Variants in CASK observed in about 807,000 individuals in gnomAD.
CASK encodes peripheral plasma membrane protein CASK.
A neutral mutation model predicts 82.9 loss-of-function variants in CASK; 4 were observed. That is an observed-to-expected ratio of 0.05 (90% CI 0.02 to 0.11). The LOEUF is 0.11. Among genes scored for constraint, CASK ranks in the 10% least tolerant of loss-of-function variants. The pLI is 1.00. For missense variants in CASK, 358 were observed against 720.9 expected (o/e 0.50, Z 5.76); for synonymous variants, 259 against 253.5 (o/e 1.02, Z -0.20).
intron 12 of CASK, among the ~76,000 whole-genome samples, chrX:41,600,177 C>T (rs1206965024): frequency 1.8e-5 from 2 of 111,821 alleles, no homozygotes; most frequent in East Asian, 2.8e-4. Context: ...GCTTTTGCTA[C>T]CTTTTTTATT....
At chrX:41,795,879 TG>T (rs779809207) in intron 2 of CASK, among the ~76,000 whole-genome samples, 1 of 110,678 alleles carries the variant, frequency 9.0e-6, no homozygotes, top group East Asian at 2.9e-4. Flanking sequence ...CACAATATTA[TG>T]GGAAAGAAAT....
At chrX:41,817,071 G>A (rs781342551) in intron 2 of CASK, among the ~76,000 whole-genome samples, 4 of 111,707 alleles carry the variant, frequency 3.6e-5, no homozygotes, top group African/African-American at 1.3e-4. Context: ...AATACAGGTT[G>A]GTTGATCACT....
At chrX:41,671,221 A>C (rs1217403947) in intron 6 of CASK, among the ~76,000 whole-genome samples, 1 of 112,155 alleles carries the variant, frequency 8.9e-6, no homozygotes, top group Non-Finnish European at 1.9e-5. Flanking sequence ...CAAAGAGAAA[A>C]AAGAGTCTAT....
intron 5 of CASK, among the ~76,000 whole-genome samples, chrX:41,693,126 C>T (rs1274620325): frequency 9.0e-6 from 1 of 111,609 alleles, no homozygotes; most frequent in African/African-American, 3.3e-5. Context: ...GTCATTTCAG[C>T]TACTTGAGCT....
intron 3 of CASK, among the ~76,000 whole-genome samples, chrX:41,780,025 CG>C (rs1016456420): frequency 1.8e-5 from 2 of 111,192 alleles, no homozygotes; most frequent in African/African-American, 3.3e-5. Flanking sequence ...CACATCATGT[CG>C]GATGTGTTTT....
At chrX:41,866,605 T>C (rs2071596231) in intron 1 of CASK, among the ~76,000 whole-genome samples, 1 of 112,079 alleles carries the variant, frequency 8.9e-6, no homozygotes, top group African/African-American at 3.2e-5. Flanking sequence ...GCCTTTTTGT[T>C]CTGGAAATGG....
chrX:41,752,651 C>T (rs903308845), intron 3 of CASK, among the ~76,000 whole-genome samples: 2 of 111,213 alleles, frequency 1.8e-5, no homozygotes, highest in African/African-American at 6.5e-5. Flanking sequence ...AGGATTGGTA[C>T]GTTACATTTC....
At chrX:41,857,748 C>A (rs1272913513) in intron 1 of CASK, among the ~76,000 whole-genome samples, 2 of 111,987 alleles carry the variant, frequency 1.8e-5, no homozygotes, top group South Asian at 3.7e-4. Context: ...ATTAAAAGGA[C>A]CCACCAAGTA....
intron 3 of CASK, among the ~76,000 whole-genome samples, chrX:41,747,311 T>C (rs1263354605): frequency 2.7e-5 from 3 of 111,669 alleles, no homozygotes; most frequent in Non-Finnish European, 5.6e-5. Context: ...CTCCCTAGTA[T>C]GGCAGCACTC....
intron 5 of CASK, among the ~76,000 whole-genome samples, chrX:41,717,462 G>A (rs2068082008): frequency 8.9e-6 from 1 of 112,129 alleles, no homozygotes; most frequent in African/African-American, 3.2e-5. Flanking sequence ...AGGTGGAAAA[G>A]TTTGGGAGTT....
At chrX:41,832,287 G>A (rs1443713830) in intron 2 of CASK, among the ~76,000 whole-genome samples, 1 of 111,915 alleles carries the variant, frequency 8.9e-6, no homozygotes, top group Non-Finnish European at 1.9e-5. Flanking sequence ...AGGGGTCCTT[G>A]GAAGTTATGT....
At chrX:41,779,464 C>G (rs764848017) in intron 3 of CASK, among the ~76,000 whole-genome samples, 5 of 111,721 alleles carry the variant, frequency 4.5e-5, no homozygotes, top group Non-Finnish European at 9.4e-5. Flanking sequence ...TATGCTGAGT[C>G]CTTTGAGTTT....
chrX:41,736,440 C>T (rs1363294214), intron 5 of CASK, among the ~76,000 whole-genome samples: 1 of 112,017 alleles, frequency 8.9e-6, no homozygotes, highest in Non-Finnish European at 1.9e-5. Flanking sequence ...GCAGAGGTTG[C>T]AGTGAGCCGA....
At chrX:41,557,250 C>G in intron 18 of CASK, 150 bp from the exon 19 acceptor site, 1 of 515,770 alleles carries the variant, frequency 1.9e-6, no homozygotes, top group Non-Finnish European at 3.3e-6. Flanking sequence ...CATGATTTCA[C>G]AGAAGTATGA....
At chrX:41,646,055 C>T (rs1255203794) in intron 8 of CASK, among the ~76,000 whole-genome samples, 2 of 111,281 alleles carry the variant, frequency 1.8e-5, no homozygotes, top group Non-Finnish European at 3.8e-5. Flanking sequence ...CTCTGTGCCT[C>T]GGACATGCAC....
chrX:41,559,718 C>T (rs746289006), intron 18 of CASK, 61 bp downstream of exon 18: 2 of 988,775 alleles, frequency 2.0e-6, no homozygotes, highest in African/African-American at 3.7e-5. Flanking sequence ...AACATACAGC[C>T]ATCAGCAGAC....
chrX:41,528,785 G>T (rs778617736), intron 25 of CASK, among the ~76,000 whole-genome samples: 1 of 112,268 alleles, frequency 8.9e-6, no homozygotes, highest in Non-Finnish European at 1.9e-5. Flanking sequence ...GTGAGGCTCT[G>T]CCTGAAAGCA....
intron 5 of CASK, among the ~76,000 whole-genome samples, chrX:41,695,330 T>TA (rs1438471027): frequency 1.9e-5 from 2 of 105,186 alleles, no homozygotes; most frequent in African/African-American, 6.9e-5. Flanking sequence ...TTTTTTTTTT[T>TA]AAAGAGATGG....
In CASK at chrX:41,561,647, A is replaced by C. The variant is rs777461278; in HGVS notation, c.1583-3T>G. 2.7e-6 allele frequency: 3 copies of C among 1,125,240 alleles called. No homozygotes were observed. In the Admixed American group the frequency reaches 6.5e-5, roughly 25 times the overall value. 92.7% of individuals were successfully genotyped at this position (1,125,240 alleles called of 1,213,427 possible). ...TTCATCACCAACATGAAGTGTACCTAAGAAATTATATAACATTATAAACAT... is the reference window on the plus strand; with the variant it reads ...TTCATCACCAACATGAAGTGTACCTCAGAAATTATATAACATTATAAACAT... On this transcript the variant is annotated splice_region_variant and splice_polypyrimidine_tract_variant and intron_variant, in intron 16 of 26. Transcript: ENST00000378163.
Sources: allele counts gnomAD v4.1 joint callset (sites outside exome capture counted in the v4.1 genomes callset), GRCh38; gene constraint gnomAD v4.1.1; transcripts MANE v1.5; gene names NCBI Gene and HGNC (gene_info 2026-07-23, HGNC 2026-07-21).